Variants in LRRC72 observed in about 807,000 individuals in gnomAD.
LRRC72 encodes the protein leucine rich repeat containing 72.
In LRRC72, 41 loss-of-function variants were observed where a neutral mutation model predicts 35.8. The observed-to-expected ratio is 1.15, with a 90% CI of 0.89 to 1.49. LRRC72 has a LOEUF of 1.49. LRRC72 is among the 40% of genes most tolerant of loss of function. LRRC72 has a pLI of 0.00. For missense variants in LRRC72, 389 were observed against 330.7 expected, an observed-to-expected ratio of 1.18 and a Z score of -1.37; for synonymous variants, 118 against 119.2, an observed-to-expected ratio of 0.99 and a Z score of 0.07.
intron 7 of LRRC72, among the ~76,000 whole-genome samples, chr7:16,571,568 G>A (rs1176481324): frequency 6.6e-6 from 1 of 152,144 alleles, no homozygotes; most frequent in Non-Finnish European, 1.5e-5. Flanking sequence ...ATGGGGTGTC[G>A]CCTCACCCGG....
At chr7:16,575,370 A>C (rs970491818) in intron 7 of LRRC72, among the ~76,000 whole-genome samples, 4 of 152,194 alleles carry the variant, frequency 2.6e-5, no homozygotes, top group African/African-American at 4.8e-5. Flanking sequence ...CAGATTTACT[A>C]AACTAGAAAC....
chr7:16,578,237 G>T (rs748269833), intron 7 of LRRC72, among the ~76,000 whole-genome samples: 10 of 152,106 alleles, frequency 6.6e-5, no homozygotes, highest in Non-Finnish European at 1.3e-4. Flanking sequence ...AAACACCTTG[G>T]CAAGGCGGGC....
intron 7 of LRRC72, among the ~76,000 whole-genome samples, chr7:16,575,287 CA>C: frequency 6.6e-6 from 1 of 152,248 alleles, no homozygotes; most frequent in South Asian, 2.1e-4. Flanking sequence ...CCCTTTTCAT[CA>C]ACAAGGGTAT....
At position 16,566,183 on chromosome 7, in the gene LRRC72, G is replaced by C. The variant is rs532217060; in HGVS notation, c.428-130G>C. ...TAAGTAAAGGTTTAATGGGTCTATT[G>C]CTTGATATGGAGAAGAGCTTTACAA... On this transcript the variant is annotated intron_variant, in intron 5 of 8. Transcript: ENST00000401542. 12 of 559,628 alleles carry C rather than the reference G, an allele frequency of 2.1e-5. No individual in the cohort carries two copies. In the Admixed American group the frequency reaches 2.5e-4, roughly 12 times the overall value. The allele number at this position is 559,628 out of a possible 1,614,324, so 34.7% of individuals were successfully genotyped here.
chr7:16,545,222 C>T (rs924475414), intron 3 of LRRC72, among the ~76,000 whole-genome samples: 1 of 152,136 alleles, frequency 6.6e-6, no homozygotes, highest in Admixed American at 6.5e-5. Context: ...ATCTTAGGCT[C>T]AATCTTCGAT....
chr7:16,548,538 T>C (rs1393761563), intron 3 of LRRC72, among the ~76,000 whole-genome samples: 1 of 152,238 alleles, frequency 6.6e-6, no homozygotes, highest in African/African-American at 2.4e-5. Flanking sequence ...GTGTCAGTCG[T>C]GGAAGCTGCT....
chr7:16,541,116 C>A (rs1305690666), intron 3 of LRRC72, among the ~76,000 whole-genome samples: 2 of 152,130 alleles, frequency 1.3e-5, no homozygotes, highest in African/African-American at 4.8e-5. Context: ...GGAATCAAAG[C>A]TTTATCCAAG....
At chr7:16,573,363 A>G (rs1009270716) in intron 7 of LRRC72, among the ~76,000 whole-genome samples, 1 of 152,246 alleles carries the variant, frequency 6.6e-6, no homozygotes, top group African/African-American at 2.4e-5. Context: ...CTAAGCAAAA[A>G]GAACAAAGCT....
intron 3 of LRRC72, among the ~76,000 whole-genome samples, chr7:16,555,003 T>G (rs1782625842): frequency 6.6e-6 from 1 of 152,120 alleles, no homozygotes; most frequent in East Asian, 1.9e-4. Context: ...CAGGGAGTGG[T>G]GAGAGGAAGA....
chr7:16,546,418 C>G (rs1365243061), intron 3 of LRRC72, among the ~76,000 whole-genome samples: 1 of 151,956 alleles, frequency 6.6e-6, no homozygotes, highest in African/African-American at 2.4e-5. Flanking sequence ...CCCATTAATG[C>G]CAGGAGATGC....
At chr7:16,578,603 A>G (rs958750418) in intron 7 of LRRC72, among the ~76,000 whole-genome samples, 2 of 152,264 alleles carry the variant, frequency 1.3e-5, no homozygotes, top group African/African-American at 4.8e-5. Flanking sequence ...ATGTATATAT[A>G]CATGTATGTG....
intron 7 of LRRC72, among the ~76,000 whole-genome samples, chr7:16,570,977 T>G (rs1003458716): frequency 9.7e-5 from 14 of 143,904 alleles, no homozygotes; most frequent in East Asian, 2.0e-4. Flanking sequence ...TTTGTTTCTG[T>G]TTTTTTTTTT....
At chr7:16,575,862 T>C (rs919088507) in intron 7 of LRRC72, among the ~76,000 whole-genome samples, 1 of 152,192 alleles carries the variant, frequency 6.6e-6, no homozygotes, top group Non-Finnish European at 1.5e-5. Flanking sequence ...GCCCCCACAA[T>C]CTATTTTTCA....
rs548337122 is a variant in LRRC72, at chr7:16,535,444, A to T, written c.165-2183A>T. 7.2e-5 allele frequency among the ~76,000 whole-genome samples: 11 copies of T among 152,340 alleles called. No individual in the cohort carries two copies. The East Asian group carries it at 2.1e-3, about 29-fold the overall frequency. On this transcript the variant is annotated intron_variant, in intron 2 of 8. Coordinates refer to ENST00000401542, the MANE Select transcript of LRRC72 (RefSeq NM_001195280.2). ...GTTCATTACAGAAGAATAGCAGCTA[A>T]TAAATGTTAAAAGAATAAGAACATT... is the stretch of plus-strand genomic sequence containing the variant.
At chr7:16,558,047 G>T (rs985040030) in intron 4 of LRRC72, among the ~76,000 whole-genome samples, 1 of 152,098 alleles carries the variant, frequency 6.6e-6, no homozygotes, top group African/African-American at 2.4e-5. Context: ...GCTATCAAAA[G>T]GCACATCCCA....
At chr7:16,541,016 C>G (rs1467783647) in intron 3 of LRRC72, among the ~76,000 whole-genome samples, 1 of 152,148 alleles carries the variant, frequency 6.6e-6, no homozygotes, top group Non-Finnish European at 1.5e-5. Flanking sequence ...CTCAAGATCA[C>G]CAAGTGTGGC....
chr7:16,526,972 C>T lies in LRRC72; in HGVS notation c.20C>T (p.Pro7Leu), dbSNP rs1422399564. 6.5e-7 allele frequency: 1 copy of T among 1,539,874 alleles called. No homozygotes were observed. Among genetic ancestry groups the T allele is most frequent in the African/African-American group, 1.4e-5 (1 of 73,054 alleles). ...GTCCTGATGTCCTGGGACCCGAACCCCGTGCCCCGTACCTTGCGATGCTGG... is the reference window on the plus strand; with the variant it reads ...GTCCTGATGTCCTGGGACCCGAACCTCGTGCCCCGTACCTTGCGATGCTGG... MSWDPN[P>L]VPRTLRCWRL... Residue 7 changes from proline (P) to leucine (L), a missense_variant, in exon 1 of 9, where the codon CCC (proline) becomes CTC (leucine). Pro to Leu is a moderately conservative substitution (Grantham distance 98). Coordinates refer to ENST00000401542, the MANE Select transcript of LRRC72 (RefSeq NM_001195280.2).
chr7:16,556,830 C>G (rs538254403), intron 3 of LRRC72, among the ~76,000 whole-genome samples: 1 of 152,312 alleles, frequency 6.6e-6, no homozygotes, highest in Non-Finnish European at 1.5e-5. Context: ...GCCACTCATG[C>G]ACGGTTTAGT....
At chr7:16,547,134 C>T (rs1390923572) in intron 3 of LRRC72, among the ~76,000 whole-genome samples, 1 of 152,158 alleles carries the variant, frequency 6.6e-6, no homozygotes, top group Non-Finnish European at 1.5e-5. Flanking sequence ...CTTGCTGTGT[C>T]TTGGGAACCT....
Sources: gnomAD v4.1 joint callset for allele counts (sites outside exome capture counted in the v4.1 genomes callset) on GRCh38, gnomAD v4.1.1 for gene constraint, MANE v1.5 for transcripts, NCBI Gene and HGNC (gene_info 2026-07-23, HGNC 2026-07-21) for gene names.